The following CELF2 variants were observed in gnomAD, a reference collection of about 807,000 sequenced individuals.
CELF2 encodes the protein CUG triplet repeat RNA-binding protein 2.
A neutral mutation model predicts 62.6 loss-of-function variants in CELF2; 8 were observed. The ratio of observed to expected loss-of-function variants is 0.13; its 90% CI spans 0.07 to 0.23. The LOEUF (loss-of-function observed/expected upper bound fraction) is 0.23, where lower values mean the gene tolerates loss of function less well. Ranked by LOEUF, CELF2 falls within the 10% of genes least tolerant of loss-of-function variation. The pLI is 1.00. For synonymous variants in CELF2, 258 were observed against 250.0 expected, an observed-to-expected ratio of 1.03 and a Z score of -0.30; for missense variants, 333 against 671.0, an observed-to-expected ratio of 0.50 and a Z score of 5.56.
At chr10:10,518,138 C>T in the CELF2 span, among the ~76,000 whole-genome samples, 1 of 152,236 alleles carries the variant, frequency 6.6e-6, no homozygotes, top group African/African-American at 2.4e-5. Context: ...CCCAGCCCAG[C>T]TTCTACCATC....
chr10:10,702,858 A>G, the CELF2 span, among the ~76,000 whole-genome samples: 1 of 152,258 alleles, frequency 6.6e-6, no homozygotes, highest in South Asian at 2.1e-4. Flanking sequence ...TGCTGGGATT[A>G]CAGGCATAAG....
chr10:10,508,045 C>CT, the CELF2 span, among the ~76,000 whole-genome samples: 1 of 151,952 alleles, frequency 6.6e-6, no homozygotes, highest in African/African-American at 2.4e-5. Context: ...AGGAAAGAGC[C>CT]TTTGCAAAAA....
At chr10:11,229,518 C>T (rs371089991) in intron 3 of CELF2, among the ~76,000 whole-genome samples, 115 of 152,168 alleles carry the variant, frequency 7.6e-4, no homozygotes, top group African/African-American at 2.5e-3. Flanking sequence ...TAGAATCCCT[C>T]GGGAGCTTTT....
At chr10:11,140,594 G>C (rs1161507309) in intron 1 of CELF2, among the ~76,000 whole-genome samples, 1 of 151,972 alleles carries the variant, frequency 6.6e-6, no homozygotes, top group Non-Finnish European at 1.5e-5. Flanking sequence ...ATAAGTTTTG[G>C]TATATTGGAA....
chr10:10,656,918 TA>T, the CELF2 span, among the ~76,000 whole-genome samples: 360 of 124,886 alleles, frequency 2.9e-3, 1 homozygote, highest in South Asian at 4.7e-3. Context: ...GTAGAATCAA[TA>T]AAAAAAAAAA....
In CELF2 at chr10:11,335,998, T is replaced by C. The variant is rs757221226; in HGVS notation, c.*6945T>C. On this transcript the variant is annotated 3_prime_UTR_variant, in exon 13 of 13. Transcript: ENST00000633077. The surrounding 1 kb of genome is among the most constrained non-coding windows in gnomAD (Gnocchi z 5.0). ...TCATACCCATAGTTTTGAGTCGGTA[T>C]GACACCACTGCAGTGTGAGCAAGGT... The C allele has an allele frequency of 6.6e-6, 1 of 152,344 alleles. No homozygotes were observed. The highest frequency in any genetic ancestry group is 1.5e-5 in the Non-Finnish European group (1 of 68,038). The allele number at this position is 152,344 out of a possible 1,614,324, so 9.4% of individuals were successfully genotyped here.
At position 11,270,839 on chromosome 10, in the gene CELF2, A is replaced by G. The variant is rs201019295; in HGVS notation, c.777+15A>G. The G allele has an allele frequency of 1.4e-5, 19 of 1,359,364 alleles. No homozygotes were observed. The highest frequency in any genetic ancestry group is 7.5e-5 in the African/African-American group (5 of 66,954). 84.2% of individuals were successfully genotyped at this position (1,359,364 alleles called of 1,614,324 possible). ...AGTATCTGGCGGTAAGTGCTGGGCA[A>G]TGCCGGCGTGGTCTTCACCCGCTGA... On this transcript the variant is annotated intron_variant, in intron 7 of 12. Transcript: ENST00000633077. The surrounding 1 kb of genome is among the most constrained non-coding windows in gnomAD (Gnocchi z 5.8).
At chr10:11,188,688 T>C (rs1362411850) in intron 2 of CELF2, among the ~76,000 whole-genome samples, 1 of 152,198 alleles carries the variant, frequency 6.6e-6, no homozygotes, top group Admixed American at 6.5e-5. Context: ...TTCATCAAAT[T>C]TGGAAAACTT....
rs893346793 is a variant in CELF2 at position 11,328,729 on chromosome 10, C to A, written c.1439-197C>A. Among the ~76,000 whole-genome samples, 3 of 152,184 alleles carry A rather than the reference C, an allele frequency of 2.0e-5. No homozygotes were observed. The highest frequency in any genetic ancestry group is 4.4e-5 in the Non-Finnish European group (3 of 68,026). ...GATGCCACATTTCCAGTCCAGCCAG[C>A]TGCTCCACAGCTGCTCAGTGGGCAC... On this transcript the variant is annotated intron_variant, in intron 12 of 12. Coordinates refer to ENST00000633077, the MANE Select transcript of CELF2 (RefSeq NM_001326342.2). The surrounding 1 kb of genome is among the most constrained non-coding windows in gnomAD (Gnocchi z 6.4).
chr10:10,564,547 C>A, the CELF2 span, among the ~76,000 whole-genome samples: 1 of 151,716 alleles, frequency 6.6e-6, no homozygotes, highest in African/African-American at 2.4e-5. Flanking sequence ...GTGTTGATGA[C>A]CATTTTCATC....
the CELF2 span, among the ~76,000 whole-genome samples, chr10:10,483,889 G>GTGTCTCA: frequency 5.2e-4 from 76 of 145,248 alleles, no homozygotes; most frequent in African/African-American, 1.8e-3. Context: ...TCTCTCTCTC[G>GTGTCTCA]TCTCTCTCTC....
At chr10:11,138,244 G>A (rs2060752422) in intron 1 of CELF2, among the ~76,000 whole-genome samples, 1 of 152,108 alleles carries the variant, frequency 6.6e-6, no homozygotes, top group Non-Finnish European at 1.5e-5. Flanking sequence ...GCCATTTCTT[G>A]GAGATGTTTA....
chr10:10,768,165 CAA>C, the CELF2 span, among the ~76,000 whole-genome samples: 29 of 91,946 alleles, frequency 3.2e-4, no homozygotes, highest in African/African-American at 4.3e-4. Context: ...GACTCCGTCT[CAA>C]AAAAAAAAAA....
chr10:10,932,197 G>A (rs1306348298), intron 2 of CELF2, among the ~76,000 whole-genome samples: 1 of 152,108 alleles, frequency 6.6e-6, no homozygotes, highest in Non-Finnish European at 1.5e-5. Context: ...AGAACCAAAA[G>A]ATTCTACTAA....
chr10:11,017,910 C>G lies in CELF2; in HGVS notation c.-180C>G. Reference sequence around the variant, plus strand: ...GCACCTGGCGCTCGGCAGCCGGCCGCCCCGGCGCTGGATTTCGGAGGGGAT... The same window carrying G: ...GCACCTGGCGCTCGGCAGCCGGCCGGCCCGGCGCTGGATTTCGGAGGGGAT... On this transcript the variant is annotated 5_prime_UTR_variant, in exon 1 of 13. Transcript: ENST00000633077. The surrounding 1 kb of genome is among the most constrained non-coding windows in gnomAD (Gnocchi z 5.5). The G allele has an allele frequency of 2.0e-6, 2 of 978,964 alleles. No homozygotes were observed. Among genetic ancestry groups the G allele is most frequent in the Non-Finnish European group, 2.4e-6 (2 of 826,186 alleles). 60.6% of individuals were successfully genotyped at this position (978,964 alleles called of 1,614,324 possible).
the CELF2 span, among the ~76,000 whole-genome samples, chr10:10,689,685 T>G: frequency 0.042 from 6,366 of 152,138 alleles, 300 homozygotes; most frequent in East Asian, 0.29. Context: ...CAAAACAGAT[T>G]CACCGAAGAA....
intron 2 of CELF2, among the ~76,000 whole-genome samples, chr10:10,968,385 A>G (rs1335074453): frequency 6.6e-6 from 1 of 152,182 alleles, no homozygotes; most frequent in African/African-American, 2.4e-5. Context: ...CCACCTAGCA[A>G]TGTTCCCAAA....
At position 10,953,694 on chromosome 10, in the gene CELF2, C is replaced by G. The variant is rs571901197; in HGVS notation, c.89+33695C>G. Among the ~76,000 whole-genome samples, 8 of 152,182 alleles carry G rather than the reference C, an allele frequency of 5.3e-5. No individual in the cohort carries two copies. The East Asian group carries it at 9.6e-4, about 18-fold the overall frequency. ...CTTTCATGATATCAGAATGGGAAAG[C>G]CTTTTTGAAACCATCAGACAAAACC... On this transcript the variant is annotated intron_variant, in intron 2 of 13. Coordinates refer to the CELF2 transcript ENST00000636488.
Position 11,005,406 on chromosome 10 carries a change from G to T in CELF2, c.19G>T (p.Ala7Ser), listed in dbSNP as rs935988463. 2.5e-6 allele frequency: 4 copies of T among 1,613,748 alleles called. No individual in the cohort carries two copies. The African/African-American group carries it at 5.3e-5, about 22-fold the overall frequency. Residue 7 changes from alanine (A) to serine (S), a missense_variant, in exon 1 of 13, where the codon GCT (alanine) becomes TCT (serine). By Grantham distance (99) the Ala-to-Ser change is moderately conservative. Transcript: ENST00000416382. This position sits in a 1 kb window ranked among gnomAD's most constrained non-coding sequence, Gnocchi z 4.3. The stretch of plus-strand genomic sequence containing the variant: ...TAGAAGCATGCGCTGTCCCAAATCC[G>T]CTGTTACTATGAGAAATGAAGAGCT...
Sources: gnomAD v4.1 joint callset for allele counts (sites outside exome capture counted in the v4.1 genomes callset) on GRCh38, gnomAD v4.1.1 for gene constraint, Gnocchi (gnomAD v3.1) non-coding constraint, MANE v1.5 for transcripts, NCBI Gene and HGNC (gene_info 2026-07-23, HGNC 2026-07-21) for gene names.